KATNIP: variants seen among roughly 807,000 people sequenced by gnomAD.
KATNIP encodes the protein katanin-interacting protein.
Under a neutral mutation model 174.0 loss-of-function variants are expected in KATNIP, and 126 were observed. That is an observed-to-expected ratio of 0.72 (90% CI 0.63 to 0.84). The LOEUF is 0.84. Ranked by LOEUF, KATNIP falls within the 40% of genes least tolerant of loss-of-function variation. KATNIP has a pLI of 0.00. For missense variants in KATNIP, 1,958 were observed against 2,109.7 expected (o/e 0.93, Z 1.41); for synonymous variants, 810 against 835.7 (o/e 0.97, Z 0.53).
chr16:27,684,537 C>T (rs2078456208), intron 8 of KATNIP, among the ~76,000 whole-genome samples: 1 of 152,156 alleles, frequency 6.6e-6, no homozygotes, highest in African/African-American at 2.4e-5. Context: ...CATGTATCAA[C>T]TAAAATCATC....
chr16:27,599,177 A>G (rs960266818), intron 2 of KATNIP, among the ~76,000 whole-genome samples: 2 of 152,152 alleles, frequency 1.3e-5, no homozygotes, highest in African/African-American at 4.8e-5. Context: ...AACACAGCTG[A>G]GGGAGGGGAG....
chr16:27,671,940 C>T (rs2077924003), intron 6 of KATNIP, among the ~76,000 whole-genome samples: 1 of 152,094 alleles, frequency 6.6e-6, no homozygotes, highest in African/African-American at 2.4e-5. Context: ...CCTGTGATCC[C>T]AGCTACTTGG....
chr16:27,704,911 T>C (rs1035974892), intron 12 of KATNIP, among the ~76,000 whole-genome samples: 50 of 141,694 alleles, frequency 3.5e-4, no homozygotes, highest in Middle Eastern at 3.5e-3. Context: ...TTTTTCTTTT[T>C]TTTTTTTTTT....
At chr16:27,629,327 C>A (rs1054612075) in intron 4 of KATNIP, among the ~76,000 whole-genome samples, 1 of 152,176 alleles carries the variant, frequency 6.6e-6, no homozygotes, top group Non-Finnish European at 1.5e-5. Flanking sequence ...TCTACTACCC[C>A]AGAGCAAAGG....
At chr16:27,766,216 G>A in intron 19 of KATNIP, 93 bp from the exon 20 acceptor site, 1 of 1,364,150 alleles carries the variant, frequency 7.3e-7, no homozygotes, top group East Asian at 2.3e-5. Context: ...AGGCAGTGGG[G>A]ACGTACTTGG....
At chr16:27,728,118 C>G (rs1265988770) in intron 14 of KATNIP, among the ~76,000 whole-genome samples, 2 of 152,276 alleles carry the variant, frequency 1.3e-5, no homozygotes, top group African/African-American at 4.8e-5. Flanking sequence ...TGGCTCTGCC[C>G]CATGGCAGGG....
rs201928592 is a variant in KATNIP at position 27,681,475 on chromosome 16, A to G, written c.885A>G (p.Pro295=). Residue 295 remains proline, a synonymous_variant, in exon 8 of 28, where the codon CCA becomes CCG. Coordinates refer to ENST00000261588, the MANE Select transcript of KATNIP (RefSeq NM_015202.5). The part of the protein sequence containing the change: ...AEVFVPTKPE[P]NLTPQAPAVF... ...TTTTCGTTCCCACCAAACCTGAGCC[A>G]AACCTGACTCCCCAAGCTCCTGCTG... 1.2e-4 allele frequency: 191 copies of G among 1,614,226 alleles called. No homozygotes were observed. Among genetic ancestry groups the G allele is most frequent in the Non-Finnish European group, 1.5e-4 (178 of 1,180,036 alleles).
At chr16:27,669,159 C>T (rs1259493663) in intron 6 of KATNIP, 15 of 360,230 alleles carry the variant, frequency 4.2e-5, no homozygotes, top group African/African-American at 2.9e-4. Flanking sequence ...TGATGGTCGC[C>T]TGATGTCACT....
Position 27,637,172 on chromosome 16 carries a change from G to A in KATNIP, c.408+6010G>A, listed in dbSNP as rs2076661763. Among the ~76,000 whole-genome samples, 1 of 152,212 alleles carries A rather than the reference G, an allele frequency of 6.6e-6. No individual in the cohort carries two copies. Among genetic ancestry groups the A allele is most frequent in the African/African-American group, 2.4e-5 (1 of 41,454 alleles). ...GGAGAAATAGTGAATGGTGCTGCCT[G>A]TTGTTGTTTTAATCACAGAGGGGCA... On this transcript the variant is annotated intron_variant, in intron 5 of 27. Transcript: ENST00000261588. The surrounding 1 kb of genome is among the most constrained non-coding windows in gnomAD (Gnocchi z 4.7).
rs1412780046 is a variant in KATNIP, at chr16:27,750,026, A to G, written c.3066A>G (p.Pro1022=). The change falls in exon 16 of 28, where the codon CCA becomes CCG. Residue 1022 remains proline, a synonymous_variant. Coordinates refer to ENST00000261588, the MANE Select transcript of KATNIP (RefSeq NM_015202.5). ...ACCCTCCCGATATCAATATTTTACC[A>G]GCCTATGGGAAAGACCCCCGCGTGG... ...KADPPDINIL[P]AYGKDPRVVT... 6 of 1,614,038 alleles carry G rather than the reference A, an allele frequency of 3.7e-6. No homozygotes were observed. Among genetic ancestry groups the G allele is most frequent in the Middle Eastern group, 1.6e-4 (1 of 6,084 alleles).
chr16:27,668,076 C>G (rs559455123), intron 6 of KATNIP, among the ~76,000 whole-genome samples: 27 of 152,202 alleles, frequency 1.8e-4, no homozygotes, highest in Non-Finnish European at 2.5e-4. Context: ...AAACCTCTTA[C>G]GGGCAGGTTT....
intron 1 of KATNIP, among the ~76,000 whole-genome samples, chr16:27,558,935 G>A (rs2089739454): frequency 1.3e-5 from 2 of 152,330 alleles, no homozygotes; most frequent in South Asian, 4.1e-4. Context: ...TTTCAGCCTT[G>A]TTACTGCCAG....
chr16:27,655,226 A>T lies in KATNIP; in HGVS notation c.540+6491A>T, dbSNP rs1294833080. ...TATATATATATATATATATATATATATATTTTGTTTGTTTGTTTGTTTAAA... is the reference window on the plus strand; with the variant it reads ...TATATATATATATATATATATATATTTATTTTGTTTGTTTGTTTGTTTAAA... On this transcript the variant is annotated intron_variant, in intron 6 of 27. Transcript: ENST00000261588. 2.0e-3 allele frequency among the ~76,000 whole-genome samples: 126 copies of T among 62,950 alleles called. 3 individuals are homozygous for T. Among genetic ancestry groups the T allele is most frequent in the African/African-American group, 6.2e-3 (102 of 16,402 alleles). The allele number at this position is 62,950 out of a possible 152,430, so 41.3% of individuals were successfully genotyped here. A position where few individuals can be genotyped will look rare whatever the true frequency, so the allele number is the denominator to read the frequency against.
intron 6 of KATNIP, among the ~76,000 whole-genome samples, chr16:27,650,599 T>C (rs1421800583): frequency 2.0e-5 from 3 of 152,186 alleles, no homozygotes; most frequent in African/African-American, 7.2e-5. Context: ...ATCGCTTTTA[T>C]GAAGTGAGAA....
In KATNIP at chr16:27,763,300, A is replaced by T. The variant is rs2082012658; in HGVS notation, c.3809+1710A>T. Among the ~76,000 whole-genome samples, 3 of 150,572 alleles carry T rather than the reference A, an allele frequency of 2.0e-5. No homozygotes were observed. In the South Asian group the frequency reaches 6.3e-4, roughly 32 times the overall value. On this transcript the variant is annotated intron_variant, in intron 19 of 27. Coordinates refer to ENST00000261588, the MANE Select transcript of KATNIP (RefSeq NM_015202.5). ...CTATGTCTCTACAAAAAAAAATAAA[A>T]AATAAAAAATAAATAAAAAAAAGTA...
chr16:27,592,904 C>T (rs1200633666), intron 2 of KATNIP, among the ~76,000 whole-genome samples: 1 of 152,104 alleles, frequency 6.6e-6, no homozygotes, highest in Admixed American at 6.5e-5. Flanking sequence ...ATTTATATTA[C>T]TCAGGACGTG....
At chr16:27,617,306 T>C (rs181916492) in intron 2 of KATNIP, among the ~76,000 whole-genome samples, 1 of 152,352 alleles carries the variant, frequency 6.6e-6, no homozygotes, top group Non-Finnish European at 1.5e-5. Flanking sequence ...TATGCTGGTT[T>C]TTTTTATTAG....
chr16:27,605,650 C>T (rs193244987), intron 2 of KATNIP, among the ~76,000 whole-genome samples: 13 of 152,250 alleles, frequency 8.5e-5, no homozygotes, highest in Admixed American at 6.5e-4. Flanking sequence ...TATCCTAGGG[C>T]GTGAGAAACT....
At chr16:27,615,932 C>CATT (rs1342038478) in intron 2 of KATNIP, among the ~76,000 whole-genome samples, 1 of 152,128 alleles carries the variant, frequency 6.6e-6, no homozygotes, top group African/African-American at 2.4e-5. Context: ...CCAGGATAAG[C>CATT]ATTAAGGTTC....
Sources: gnomAD v4.1 joint callset for allele counts (sites outside exome capture counted in the v4.1 genomes callset) on GRCh38, gnomAD v4.1.1 for gene constraint, Gnocchi (gnomAD v3.1) non-coding constraint, MANE v1.5 for transcripts, NCBI Gene and HGNC (gene_info 2026-07-23, HGNC 2026-07-21) for gene names.